Variants in PCDHAC1 observed in about 807,000 individuals in gnomAD.
PCDHAC1 encodes protocadherin alpha subfamily C, 1.
In PCDHAC1, 42 loss-of-function variants were observed where a neutral mutation model predicts 60.0. The observed-to-expected ratio is 0.70, with a 90% confidence interval of 0.55 to 0.90. The LOEUF (loss-of-function observed/expected upper bound fraction) is 0.90. Ranked by LOEUF, PCDHAC1 falls within the 40% of genes least tolerant of loss-of-function variation. The probability of loss-of-function intolerance (pLI) is 0.00; values close to 1 mark genes in which losing one functional copy is unlikely to be tolerated. For missense variants in PCDHAC1, 1,160 were observed against 1,222.3 expected, an observed-to-expected ratio of 0.95 and a Z score of 0.76; for synonymous variants, 468 against 499.3, an observed-to-expected ratio of 0.94 and a Z score of 0.84.
intron 1 of PCDHAC1, among the ~76,000 whole-genome samples, chr5:140,953,778 A>T (rs782648195): frequency 2.0e-5 from 3 of 151,986 alleles, no homozygotes; most frequent in Non-Finnish European, 2.9e-5. Context: ...ATATTTATTT[A>T]TTTTTTTCTT....
intron 3 of PCDHAC1, among the ~76,000 whole-genome samples, chr5:140,985,081 G>C (rs1028077723): frequency 1.3e-5 from 2 of 152,088 alleles, no homozygotes; most frequent in African/African-American, 4.8e-5. Flanking sequence ...GAGACTACAG[G>C]CGTGTGCCAC....
At chr5:140,993,103 G>A (rs2097540365) in intron 3 of PCDHAC1, among the ~76,000 whole-genome samples, 1 of 152,218 alleles carries the variant, frequency 6.6e-6, no homozygotes, top group East Asian at 1.9e-4. Context: ...TTTATTCAGC[G>A]GTCAGTGTCA....
At chr5:141,007,804 A>G (rs966389410) in intron 3 of PCDHAC1, among the ~76,000 whole-genome samples, 1 of 152,204 alleles carries the variant, frequency 6.6e-6, no homozygotes, top group Non-Finnish European at 1.5e-5. Context: ...TTTATCTGCC[A>G]TTCATTTGCC....
At chr5:140,948,519 CTA>C (rs2094266581) in intron 1 of PCDHAC1, among the ~76,000 whole-genome samples, 1 of 151,476 alleles carries the variant, frequency 6.6e-6, no homozygotes, top group African/African-American at 2.4e-5. Context: ...AATGTTAACA[CTA>C]TTTATATTTT....
intron 1 of PCDHAC1, among the ~76,000 whole-genome samples, chr5:140,949,788 G>C (rs2094421903): frequency 6.6e-6 from 1 of 151,684 alleles, no homozygotes; most frequent in Non-Finnish European, 1.5e-5. Context: ...GTTTAGATTT[G>C]TGTCCTTCAA....
At chr5:140,962,270 A>T (rs2095668540) in intron 1 of PCDHAC1, among the ~76,000 whole-genome samples, 1 of 152,210 alleles carries the variant, frequency 6.6e-6, no homozygotes, top group African/African-American at 2.4e-5. Context: ...TTTATAATTT[A>T]AAAAACCTCA....
At chr5:140,998,943 G>T (rs1366415632) in intron 3 of PCDHAC1, among the ~76,000 whole-genome samples, 2 of 152,212 alleles carry the variant, frequency 1.3e-5, no homozygotes, top group African/African-American at 2.4e-5. Flanking sequence ...TGAAGAAACT[G>T]TAAGTCAATG....
At chr5:140,989,530 AG>A (rs1249109717) in intron 3 of PCDHAC1, among the ~76,000 whole-genome samples, 1 of 152,200 alleles carries the variant, frequency 6.6e-6, no homozygotes, top group Non-Finnish European at 1.5e-5. Context: ...CAGAGGAGGA[AG>A]ATAGTTTGTA....
chr5:140,970,752 T>A (rs1324041619), intron 1 of PCDHAC1, among the ~76,000 whole-genome samples: 1 of 152,244 alleles, frequency 6.6e-6, no homozygotes, highest in Non-Finnish European at 1.5e-5. Context: ...CAATATATTT[T>A]CATTGACATA....
At chr5:140,984,783 G>A (rs2097120793) in intron 3 of PCDHAC1, among the ~76,000 whole-genome samples, 1 of 152,152 alleles carries the variant, frequency 6.6e-6, no homozygotes, top group African/African-American at 2.4e-5. Flanking sequence ...CTTGCTGGGT[G>A]AGCATAGACA....
At chr5:140,943,157 C>T (rs2093427609) in intron 1 of PCDHAC1, among the ~76,000 whole-genome samples, 1 of 148,876 alleles carries the variant, frequency 6.7e-6, no homozygotes, top group South Asian at 2.1e-4. Context: ...ACTCTGGAGG[C>T]TGAGGCAGGA....
chr5:141,008,838 G>A (rs555239899), intron 3 of PCDHAC1, among the ~76,000 whole-genome samples: 2 of 152,192 alleles, frequency 1.3e-5, no homozygotes, highest in South Asian at 2.1e-4. Context: ...ATCCTCTTAC[G>A]CTGTGTATTC....
intron 3 of PCDHAC1, 115 bp downstream of exon 3, chr5:140,982,678 C>G: frequency 6.9e-7 from 1 of 1,438,900 alleles, no homozygotes; most frequent in East Asian, 2.5e-5. Context: ...TTTGTTATTC[C>G]CTTTTTTCCA....
intron 3 of PCDHAC1, among the ~76,000 whole-genome samples, chr5:141,003,794 G>A (rs1158199764): frequency 6.6e-6 from 1 of 152,102 alleles, no homozygotes; most frequent in Non-Finnish European, 1.5e-5. Context: ...AAATCCTATT[G>A]GGTTGTAATC....
rs2098422174 is a variant in PCDHAC1 at position 141,011,893 on chromosome 5, T to G, written c.*1956T>G. On this transcript the variant is annotated 3_prime_UTR_variant, in exon 4 of 4. Coordinates refer to ENST00000253807, the MANE Select transcript of PCDHAC1 (RefSeq NM_018898.5). ...CAATTTAGAAGTTTGATTAATTATATTATCTATTTAGGCATTAATATAAAA... is the reference window on the plus strand; with the variant it reads ...CAATTTAGAAGTTTGATTAATTATAGTATCTATTTAGGCATTAATATAAAA... The G allele has an allele frequency of 6.5e-6, 1 of 153,362 alleles. No individual in the cohort carries two copies. Among genetic ancestry groups the G allele is most frequent in the Admixed American group, 6.5e-5 (1 of 15,272 alleles). 9.5% of individuals were successfully genotyped at this position (153,362 alleles called of 1,614,324 possible). A position where few individuals can be genotyped will look rare whatever the true frequency, so the allele number is the denominator to read the frequency against.
intron 1 of PCDHAC1, chr5:140,968,831 C>T (rs1469537973): frequency 1.2e-6 from 2 of 1,614,020 alleles, no homozygotes; most frequent in Non-Finnish European, 8.5e-7. Flanking sequence ...CAAAATCCTC[C>T]CTGACACTCA....
chr5:140,968,357 C>A (rs1554230636), intron 1 of PCDHAC1: 2 of 1,614,080 alleles, frequency 1.2e-6, no homozygotes, highest in Non-Finnish European at 1.7e-6. Flanking sequence ...CAGTGGCAGC[C>A]TTTATGCTGT....
At chr5:141,007,970 T>C (rs986378123) in intron 3 of PCDHAC1, among the ~76,000 whole-genome samples, 3 of 152,248 alleles carry the variant, frequency 2.0e-5, no homozygotes, top group Admixed American at 6.5e-5. Flanking sequence ...TCTGGGTGTC[T>C]GTCATGTATA....
chr5:140,981,220 C>T (rs1160783614), intron 2 of PCDHAC1, among the ~76,000 whole-genome samples: 3 of 152,164 alleles, frequency 2.0e-5, no homozygotes, highest in African/African-American at 4.8e-5. Context: ...CCCCTTTAGT[C>T]AGTAGTCTAA....
Sources: gnomAD v4.1 joint callset for allele counts (sites outside exome capture counted in the v4.1 genomes callset) on GRCh38, gnomAD v4.1.1 for gene constraint, MANE v1.5 for transcripts, NCBI Gene and HGNC (gene_info 2026-07-23, HGNC 2026-07-21) for gene names.